MAPK10: variants seen among roughly 807,000 people sequenced by gnomAD.
MAPK10 encodes JNK3 alpha protein kinase.
In MAPK10, 25 loss-of-function variants were observed where a neutral mutation model predicts 59.3. The ratio of observed to expected loss-of-function variants is 0.42; its 90% CI spans 0.31 to 0.59. The LOEUF (loss-of-function observed/expected upper bound fraction) is 0.59, where lower values mean the gene tolerates loss of function less well. Ranked by LOEUF, MAPK10 falls within the 20% of genes least tolerant of loss-of-function variation. The pLI is 0.15. For missense variants in MAPK10, 351 were observed against 568.9 expected (o/e 0.62, Z 3.90); for synonymous variants, 190 against 200.5 (o/e 0.95, Z 0.44).
chr4:86,390,768 A>T (rs1006820286), intron 1 of MAPK10, among the ~76,000 whole-genome samples: 1 of 152,160 alleles, frequency 6.6e-6, no homozygotes, highest in East Asian at 1.9e-4. Flanking sequence ...TACACATCCA[A>T]TCGTGAAGGT....
chr4:86,203,863 A>G (rs1457351652), intron 2 of MAPK10, among the ~76,000 whole-genome samples: 1 of 151,668 alleles, frequency 6.6e-6, no homozygotes, highest in Non-Finnish European at 1.5e-5. Context: ...TAGAAAATAG[A>G]ATTAAATTTA....
intron 1 of MAPK10, among the ~76,000 whole-genome samples, chr4:86,378,976 C>T (rs571959041): frequency 6.2e-4 from 94 of 152,230 alleles, no homozygotes; most frequent in African/African-American, 2.1e-3. Context: ...AAGGAAGTGG[C>T]GGCATATGCT....
chr4:86,077,402 C>T (rs1391659020), intron 9 of MAPK10, among the ~76,000 whole-genome samples: 2 of 152,142 alleles, frequency 1.3e-5, no homozygotes, highest in African/African-American at 2.4e-5. Flanking sequence ...TTGGGCCTCT[C>T]ATTTGCACAG....
intron 1 of MAPK10, among the ~76,000 whole-genome samples, chr4:86,421,091 A>G (rs949236417): frequency 1.6e-4 from 25 of 152,112 alleles, no homozygotes; most frequent in African/African-American, 6.0e-4. Context: ...CAGAAAGAAA[A>G]AAAAAAAATT....
chr4:86,243,003 G>T (rs1456981291), intron 2 of MAPK10, among the ~76,000 whole-genome samples: 8 of 152,222 alleles, frequency 5.3e-5, no homozygotes, highest in African/African-American at 1.9e-4. Context: ...CGTGGGAAAA[G>T]CACAGTTTTC....
At chr4:86,101,824 A>G in intron 7 of MAPK10, 70 bp downstream of exon 7, 3 of 1,532,380 alleles carry the variant, frequency 2.0e-6, no homozygotes, top group Non-Finnish European at 2.7e-6. Context: ...CCCCCGTATA[A>G]AGAAAATAAT....
chr4:86,246,585 A>T (rs1387774928), intron 2 of MAPK10, among the ~76,000 whole-genome samples: 1 of 152,246 alleles, frequency 6.6e-6, no homozygotes, highest in East Asian at 1.9e-4. Context: ...AGGGAAAACT[A>T]ACAAACACTT....
intron 2 of MAPK10, among the ~76,000 whole-genome samples, chr4:86,206,573 G>A (rs2084060115): frequency 6.6e-6 from 1 of 152,134 alleles, no homozygotes; most frequent in Non-Finnish European, 1.5e-5. Context: ...TAATGGGATG[G>A]CTGGGTCAAA....
intron 13 of MAPK10, among the ~76,000 whole-genome samples, chr4:86,018,119 G>A (rs764525770): frequency 2.6e-5 from 4 of 152,148 alleles, no homozygotes; most frequent in Non-Finnish European, 5.9e-5. Context: ...ACCCCTTAAT[G>A]GAGCCATCTG....
chr4:86,033,278 G>A (rs2039475560), intron 11 of MAPK10, among the ~76,000 whole-genome samples: 1 of 152,244 alleles, frequency 6.6e-6, no homozygotes, highest in Admixed American at 6.5e-5. Flanking sequence ...TCCTGAGCAT[G>A]TATAATGCTG....
At chr4:86,327,315 C>G (rs1317864423) in intron 2 of MAPK10, 2 of 152,012 alleles carry the variant, frequency 1.3e-5, no homozygotes, top group Non-Finnish European at 2.9e-5. Flanking sequence ...ATCTTGGAGA[C>G]TTTGAATATT....
intron 6 of MAPK10, 105 bp downstream of exon 6, chr4:86,103,075 CTGTGTG>C (rs10681488): frequency 1.6e-3 from 811 of 498,424 alleles, no homozygotes; most frequent in South Asian, 5.0e-3. Context: ...GATTTCAACT[CTGTGTG>C]TGTGTGTGTG....
intron 1 of MAPK10, among the ~76,000 whole-genome samples, chr4:86,513,337 C>G (rs1226216301): frequency 6.6e-6 from 1 of 152,128 alleles, no homozygotes; most frequent in African/African-American, 2.4e-5. Flanking sequence ...CATGAACCAC[C>G]ACACCCAAGC....
chr4:86,345,783 A>T (rs1435153023), intron 2 of MAPK10, among the ~76,000 whole-genome samples: 1 of 152,210 alleles, frequency 6.6e-6, no homozygotes, highest in Non-Finnish European at 1.5e-5. Flanking sequence ...CTCCATATAA[A>T]AACTTTTCCT....
intron 1 of MAPK10, among the ~76,000 whole-genome samples, chr4:86,366,042 A>G (rs929511174): frequency 6.6e-6 from 1 of 152,212 alleles, no homozygotes; most frequent in Non-Finnish European, 1.5e-5. Flanking sequence ...CTTACCTTAT[A>G]AATACAAACT....
intron 1 of MAPK10, among the ~76,000 whole-genome samples, chr4:86,515,361 T>C (rs758101441): frequency 2.0e-5 from 3 of 152,206 alleles, no homozygotes; most frequent in Admixed American, 6.5e-5. Context: ...AGTAGTGAGA[T>C]TGCTGGATCA....
intron 6 of MAPK10, chr4:86,102,588 T>A (rs1301255386): frequency 6.5e-6 from 1 of 153,622 alleles, no homozygotes; most frequent in Non-Finnish European, 1.4e-5. Flanking sequence ...TGGTACGATC[T>A]CAGCTCACTG....
At chr4:86,456,742 A>C (rs559727716), upstream of MAPK10, among the ~76,000 whole-genome samples, 22 of 152,314 alleles carry the variant, frequency 1.4e-4, no homozygotes, top group South Asian at 4.3e-3. Flanking sequence ...AGAAGAATTG[A>C]TACCAATTCG....
chr4:86,520,762 A>G (rs1372039918), intron 1 of MAPK10, among the ~76,000 whole-genome samples: 1 of 152,070 alleles, frequency 6.6e-6, no homozygotes, highest in East Asian at 1.9e-4. Flanking sequence ...AGATTCTGGA[A>G]CTCAAGGGCT....
Sources: gnomAD v4.1 joint callset for allele counts (sites outside exome capture counted in the v4.1 genomes callset) on GRCh38, gnomAD v4.1.1 for gene constraint, MANE v1.5 for transcripts, NCBI Gene and HGNC (gene_info 2026-07-23, HGNC 2026-07-21) for gene names.